CDKAL1: variants seen among roughly 807,000 people sequenced by gnomAD.
CDKAL1 encodes CDKAL1 threonylcarbamoyladenosine tRNA methylthiotransferase, also known as threonylcarbamoyladenosine tRNA methylthiotransferase.
In CDKAL1, 32 loss-of-function variants were observed where a neutral mutation model predicts 68.2. The ratio of observed to expected loss-of-function variants is 0.47; its 90% CI spans 0.35 to 0.63. The LOEUF is 0.63. Ranked by LOEUF, CDKAL1 falls within the 30% of genes least tolerant of loss-of-function variation. The pLI is 0.00. For missense variants in CDKAL1, 606 were observed against 696.7 expected (o/e 0.87, Z 1.47); for synonymous variants, 234 against 244.3 (o/e 0.96, Z 0.39).
intron 10 of CDKAL1, among the ~76,000 whole-genome samples, chr6:20,965,977 C>A (rs1170335103): frequency 6.6e-6 from 1 of 152,212 alleles, no homozygotes; most frequent in Admixed American, 6.5e-5. Flanking sequence ...GACTTCTTTG[C>A]TTTAATAGCC....
At chr6:21,046,372 A>G (rs1770231772) in intron 11 of CDKAL1, among the ~76,000 whole-genome samples, 1 of 152,250 alleles carries the variant, frequency 6.6e-6, no homozygotes, top group Non-Finnish European at 1.5e-5. Flanking sequence ...CATACCCAGC[A>G]TTCCAGCACT....
rs146781259 is a variant in CDKAL1 at position 20,850,700 on chromosome 6, A to G, written c.742+4522A>G. Among the ~76,000 whole-genome samples, 296 of 152,276 alleles carry G rather than the reference A, an allele frequency of 1.9e-3. 2 individuals are homozygous for G. Among genetic ancestry groups the G allele is most frequent in the African/African-American group, 6.9e-3 (286 of 41,556 alleles). ...TGATCTGCCCACCTTTGCCTCCCAA[A>G]GTGCAGGGATTACAGGTGTGATTAT... On this transcript the variant is annotated intron_variant, in intron 9 of 15. Transcript: ENST00000274695.
chr6:20,630,120 C>T (rs1403318683), intron 4 of CDKAL1, among the ~76,000 whole-genome samples: 4 of 152,226 alleles, frequency 2.6e-5, no homozygotes, highest in Admixed American at 6.5e-5. Flanking sequence ...CTGCCTGCCT[C>T]GGCCTCCCAA....
intron 6 of CDKAL1, among the ~76,000 whole-genome samples, chr6:20,748,355 CA>C (rs1378636595): frequency 5.3e-5 from 8 of 151,162 alleles, no homozygotes; most frequent in Non-Finnish European, 1.5e-5. Context: ...ATAACAATAA[CA>C]AAAATTAGCC....
Position 21,009,424 on chromosome 6 carries a change from T to C in CDKAL1, c.1055+9052T>C, listed in dbSNP as rs140757920. ...CTTTTTACCTTCACTCTCCATCCAG[T>C]CACTGGGTGAGGGGATCAATAAAGA... On this transcript the variant is annotated intron_variant, in intron 11 of 15. Coordinates refer to ENST00000274695, the MANE Select transcript of CDKAL1 (RefSeq NM_017774.3). Among the ~76,000 whole-genome samples the C allele has an allele frequency of 6.6e-3, 1,012 of 152,266 alleles. 7 individuals carry two copies. Among genetic ancestry groups the C allele is most frequent in the Non-Finnish European group, 0.011 (753 of 68,020 alleles).
chr6:20,881,678 G>T (rs1295696661), intron 9 of CDKAL1, among the ~76,000 whole-genome samples: 1 of 152,094 alleles, frequency 6.6e-6, no homozygotes, highest in Non-Finnish European at 1.5e-5. Flanking sequence ...ATGGCTGTCT[G>T]TGAAATGTCT....
chr6:21,003,371 T>TACACACACACACACACAC (rs55839331), intron 11 of CDKAL1, among the ~76,000 whole-genome samples: 8 of 49,298 alleles, frequency 1.6e-4, no homozygotes, highest in African/African-American at 8.7e-4. Flanking sequence ...TATATATATA[T>TACACACACACACACACAC]ACACACACAC....
At chr6:20,971,032 A>G (rs1765571143) in intron 10 of CDKAL1, among the ~76,000 whole-genome samples, 1 of 152,120 alleles carries the variant, frequency 6.6e-6, no homozygotes, top group Non-Finnish European at 1.5e-5. Flanking sequence ...CATTTTTAGT[A>G]GAGACGGGGT....
intron 7 of CDKAL1, among the ~76,000 whole-genome samples, chr6:20,765,958 G>C (rs1774684826): frequency 6.6e-6 from 1 of 152,096 alleles, no homozygotes; most frequent in Non-Finnish European, 1.5e-5. Flanking sequence ...CATTGTAAGT[G>C]GTCAAGTTCA....
At chr6:20,660,383 C>G (rs1419943720) in intron 5 of CDKAL1, among the ~76,000 whole-genome samples, 1 of 152,138 alleles carries the variant, frequency 6.6e-6, no homozygotes, top group Admixed American at 6.5e-5. Flanking sequence ...AGACAAAGAC[C>G]ATTTGTCAAC....
At chr6:21,168,666 T>C (rs1391050123) in intron 13 of CDKAL1, among the ~76,000 whole-genome samples, 1 of 152,204 alleles carries the variant, frequency 6.6e-6, no homozygotes, top group African/African-American at 2.4e-5. Context: ...AAAATCAGTG[T>C]AGTTTCAAAG....
intron 8 of CDKAL1, among the ~76,000 whole-genome samples, chr6:20,800,394 T>A (rs1176193476): frequency 6.6e-6 from 1 of 152,058 alleles, no homozygotes; most frequent in African/African-American, 2.4e-5. Context: ...CAAACAAATC[T>A]CTAGTTCCAG....
chr6:20,943,361 A>T (rs1312998097), intron 9 of CDKAL1, among the ~76,000 whole-genome samples: 1 of 150,996 alleles, frequency 6.6e-6, no homozygotes, highest in African/African-American at 2.4e-5. Context: ...GAAAAAAAGA[A>T]AAAAAAAGTA....
intron 5 of CDKAL1, among the ~76,000 whole-genome samples, chr6:20,666,256 T>C (rs1345712871): frequency 4.1e-5 from 6 of 148,136 alleles, no homozygotes; most frequent in East Asian, 2.0e-4. Context: ...AAGTGAGATA[T>C]TGGTTTTTGC....
At position 21,069,436 on chromosome 6, in the gene CDKAL1, A is replaced by G. The variant is rs141353983; in HGVS notation, c.1236+4208A>G. 9.2e-5 allele frequency among the ~76,000 whole-genome samples: 14 copies of G among 152,272 alleles called. 1 individual carries two copies. In the East Asian group the frequency reaches 2.5e-3, roughly 27 times the overall value. ...TGTTTTTTGTTCTAAGTCTCTGTTA[A>G]TATTATAACCTACATTGAATGGTTT... On this transcript the variant is annotated intron_variant, in intron 12 of 15. Coordinates refer to ENST00000274695, the MANE Select transcript of CDKAL1 (RefSeq NM_017774.3).
rs564538587 is a variant in CDKAL1 at position 20,787,008 on chromosome 6, T to TA, written c.638+5744dup. 9.8e-5 allele frequency among the ~76,000 whole-genome samples: 15 copies of TA among 152,316 alleles called. No homozygotes were observed. In the East Asian group the frequency reaches 2.3e-3, roughly 24 times the overall value. ...GAGTTAGATGCTGCTTAACAGTTCTTATATAAATTATATCATTTTTAAGAT... is the reference window on the plus strand; with the variant it reads ...GAGTTAGATGCTGCTTAACAGTTCTTAATATAAATTATATCATTTTTAAGAT... On this transcript the variant is annotated intron_variant, in intron 8 of 15. Coordinates refer to ENST00000274695, the MANE Select transcript of CDKAL1 (RefSeq NM_017774.3).
At chr6:20,721,658 G>A (rs1037248959) in intron 5 of CDKAL1, among the ~76,000 whole-genome samples, 3 of 147,764 alleles carry the variant, frequency 2.0e-5, no homozygotes, top group Non-Finnish European at 3.0e-5. Flanking sequence ...CATAGTGTCT[G>A]TACTAGTTTA....
chr6:20,853,386 CAA>C lies in CDKAL1; in HGVS notation c.742+7211_742+7212del, dbSNP rs751328082. ...ACAGAGGGGATTTCGTCTCAAAAAA[CAA>C]AACAAAAAAAAAACAAAAAAAAAAA... is the stretch of plus-strand genomic sequence containing the variant. On this transcript the variant is annotated intron_variant, in intron 9 of 15. Transcript: ENST00000274695. Among the ~76,000 whole-genome samples, 699 of 32,462 alleles carry C rather than the reference CAA, an allele frequency of 0.022. 8 individuals are homozygous for C. The Middle Eastern group carries it at 0.23, about 11-fold the overall frequency. 21.3% of individuals were successfully genotyped at this position (32,462 alleles called of 152,430 possible). A position where few individuals can be genotyped will look rare whatever the true frequency, so the allele number is the denominator to read the frequency against.
chr6:20,542,166 G>A (rs1245172877), intron 2 of CDKAL1, among the ~76,000 whole-genome samples: 1 of 152,216 alleles, frequency 6.6e-6, no homozygotes, highest in Non-Finnish European at 1.5e-5. Context: ...GAGCCTGGCT[G>A]GCTGCCACTC....
Sources: allele counts gnomAD v4.1 joint callset (sites outside exome capture counted in the v4.1 genomes callset), GRCh38; gene constraint gnomAD v4.1.1; transcripts MANE v1.5; gene names NCBI Gene and HGNC (gene_info 2026-07-23, HGNC 2026-07-21).